SUPT3H: variants seen among roughly 807,000 people sequenced by gnomAD.
The protein encoded by SUPT3H is transcription initiation protein SPT3 homolog.
In SUPT3H, 44 loss-of-function variants were observed where a neutral mutation model predicts 44.3. The observed-to-expected ratio is 0.99, with a 90% CI of 0.78 to 1.28. The LOEUF (loss-of-function observed/expected upper bound fraction) is 1.28, where lower values mean the gene tolerates loss of function less well. Among genes scored for constraint, SUPT3H ranks in the 50% most tolerant of loss-of-function variants. SUPT3H has a pLI of 0.00. For missense variants in SUPT3H, 380 were observed against 387.1 expected, an observed-to-expected ratio of 0.98 and a Z score of 0.15; for synonymous variants, 124 against 125.6, an observed-to-expected ratio of 0.99 and a Z score of 0.09.
At chr6:44,821,335 T>A (rs1767299261) in intron 11 of SUPT3H, among the ~76,000 whole-genome samples, 1 of 152,248 alleles carries the variant, frequency 6.6e-6, no homozygotes, top group Non-Finnish European at 1.5e-5. Context: ...ATTAATGTGA[T>A]AATTGGTTAT....
chr6:45,231,570 G>A (rs1384891108), intron 2 of SUPT3H, among the ~76,000 whole-genome samples: 2 of 152,132 alleles, frequency 1.3e-5, no homozygotes, highest in African/African-American at 4.8e-5. Flanking sequence ...ATGTGGGGTG[G>A]AGAAACCTTT....
At chr6:44,860,901 T>C (rs1215034132) in intron 10 of SUPT3H, among the ~76,000 whole-genome samples, 2 of 152,186 alleles carry the variant, frequency 1.3e-5, no homozygotes, top group African/African-American at 2.4e-5. Context: ...ATCTCACCTA[T>C]TGCACCTGCA....
intron 2 of SUPT3H, among the ~76,000 whole-genome samples, chr6:45,176,027 C>G (rs1425303711): frequency 2.6e-5 from 4 of 152,070 alleles, no homozygotes; most frequent in Non-Finnish European, 5.9e-5. Context: ...GATTGCTCAC[C>G]TTGGTCCATG....
Position 44,983,533 on chromosome 6 carries a change from T to TA in SUPT3H, c.504+20119dup, listed in dbSNP as rs548792481. Among the ~76,000 whole-genome samples, 32 of 152,222 alleles carry TA rather than the reference T, an allele frequency of 2.1e-4. 1 individual carries two copies. The South Asian group carries it at 6.2e-3, about 30-fold the overall frequency. On this transcript the variant is annotated intron_variant, in intron 6 of 10. Coordinates refer to ENST00000371459, the MANE Select transcript of SUPT3H (RefSeq NM_003599.4). ...AAAAAATCCCCTACCATGTCCCTAT[T>TA]AAAAAGAAATCAGGCTTGGTATGCT...
chr6:44,898,568 C>A (rs923043448), intron 10 of SUPT3H: 3 of 152,218 alleles, frequency 2.0e-5, no homozygotes, highest in Admixed American at 6.5e-5. Context: ...ACAGAAATCA[C>A]CATATAAGTG....
At chr6:44,919,290 T>G (rs1017321790) in intron 10 of SUPT3H, among the ~76,000 whole-genome samples, 5 of 151,820 alleles carry the variant, frequency 3.3e-5, no homozygotes, top group Admixed American at 3.3e-4. Flanking sequence ...ATGGCTTTAA[T>G]GAAGGAAAAA....
Position 45,292,710 on chromosome 6 carries a change from TA to T in SUPT3H, c.101+72490del, listed in dbSNP as rs577426982. Among the ~76,000 whole-genome samples, 112 of 109,606 alleles carry T rather than the reference TA, an allele frequency of 1.0e-3. 5 individuals carry two copies. Among genetic ancestry groups the T allele is most frequent in the Admixed American group, 1.6e-3 (18 of 11,416 alleles). 71.9% of individuals were successfully genotyped at this position (109,606 alleles called of 152,430 possible). On this transcript the variant is annotated intron_variant, in intron 2 of 10. Transcript: ENST00000371459. ...TTCTTATACCAGACAAAAGAAACTT[TA>T]AAGCAACAGCAGTTAAAAAAGACAA...
chr6:45,265,456 G>C (rs1051372903), intron 2 of SUPT3H, among the ~76,000 whole-genome samples: 1 of 152,060 alleles, frequency 6.6e-6, no homozygotes, highest in Non-Finnish European at 1.5e-5. Flanking sequence ...GTCCGGCTAG[G>C]TCTTAAATAA....
intron 2 of SUPT3H, among the ~76,000 whole-genome samples, chr6:45,198,163 A>C (rs1562669003): frequency 6.6e-6 from 1 of 151,368 alleles, no homozygotes; most frequent in Non-Finnish European, 1.5e-5. Flanking sequence ...AGCTGGTCTA[A>C]TCAATATGAA....
At chr6:45,208,324 T>C (rs566842868) in intron 2 of SUPT3H, among the ~76,000 whole-genome samples, 35 of 152,246 alleles carry the variant, frequency 2.3e-4, no homozygotes, top group Middle Eastern at 3.4e-3. Flanking sequence ...AAATAAGCCA[T>C]CTCCATAACA....
intron 2 of SUPT3H, among the ~76,000 whole-genome samples, chr6:45,281,256 G>A (rs1053308172): frequency 6.6e-6 from 1 of 152,208 alleles, no homozygotes; most frequent in Non-Finnish European, 1.5e-5. Context: ...AGGACAGTGG[G>A]TGCAGCGCAC....
chr6:44,849,839 T>A (rs1487082853), intron 10 of SUPT3H, among the ~76,000 whole-genome samples: 1 of 152,206 alleles, frequency 6.6e-6, no homozygotes, highest in African/African-American at 2.4e-5. Flanking sequence ...ATGTATGGCC[T>A]GAGTACAACT....
At chr6:45,055,097 T>C (rs1407843301) in intron 3 of SUPT3H, among the ~76,000 whole-genome samples, 1 of 152,134 alleles carries the variant, frequency 6.6e-6, no homozygotes, top group Non-Finnish European at 1.5e-5. Context: ...ACAGATTTTA[T>C]GGAATTAGTA....
intron 6 of SUPT3H, among the ~76,000 whole-genome samples, chr6:44,981,343 T>C (rs1335495732): frequency 1.3e-5 from 2 of 152,216 alleles, no homozygotes; most frequent in Admixed American, 1.3e-4. Context: ...ATTACATTTT[T>C]GTCGTTTTAT....
rs183213042 is a variant in SUPT3H, at chr6:45,057,076, T to C, written c.187-36444A>G. On this transcript the variant is annotated intron_variant, in intron 3 of 10. Transcript: ENST00000371459. ...TCACAAAGACCTAAAACAAATACAA[T>C]TGTCTTTCTAAAACGTAAAGAATAT... Among the ~76,000 whole-genome samples the C allele has an allele frequency of 1.2e-4, 19 of 152,244 alleles. No homozygotes were observed. The East Asian group carries it at 2.9e-3, about 23-fold the overall frequency.
At chr6:45,347,274 A>G (rs975916417) in intron 2 of SUPT3H, among the ~76,000 whole-genome samples, 1 of 152,218 alleles carries the variant, frequency 6.6e-6, no homozygotes, top group African/African-American at 2.4e-5. Flanking sequence ...AAATTTCTTT[A>G]AAATGAATTC....
intron 9 of SUPT3H, among the ~76,000 whole-genome samples, chr6:44,937,787 T>C (rs988275084): frequency 6.6e-6 from 1 of 152,176 alleles, no homozygotes; most frequent in South Asian, 2.1e-4. Flanking sequence ...TGGTGTTTTT[T>C]TGTTGTTGTT....
Position 45,329,917 on chromosome 6 carries a change from T to C in SUPT3H, c.101+35284A>G, listed in dbSNP as rs79677650. Among the ~76,000 whole-genome samples, 862 of 151,982 alleles carry C rather than the reference T, an allele frequency of 5.7e-3. 9 individuals carry two copies. Among genetic ancestry groups the C allele is most frequent in the Non-Finnish European group, 8.6e-3 (582 of 67,882 alleles). ...TTCTTATATCCATTAAAATAAACCT[T>C]CTTGCTGTGTACATCTATATTAACT... On this transcript the variant is annotated intron_variant, in intron 2 of 10. Coordinates refer to ENST00000371459, the MANE Select transcript of SUPT3H (RefSeq NM_003599.4).
At chr6:44,882,164 A>T (rs1778337914) in intron 10 of SUPT3H, among the ~76,000 whole-genome samples, 2 of 152,216 alleles carry the variant, frequency 1.3e-5, no homozygotes, top group African/African-American at 4.8e-5. Context: ...TAAAAGACAG[A>T]AGAATCAAAT....
Sources: gnomAD v4.1 joint callset for allele counts (sites outside exome capture counted in the v4.1 genomes callset) on GRCh38, gnomAD v4.1.1 for gene constraint, MANE v1.5 for transcripts, NCBI Gene and HGNC (gene_info 2026-07-23, HGNC 2026-07-21) for gene names.